Variants in ATP8B3 observed in about 807,000 individuals in gnomAD.
ATP8B3 encodes the protein ATPase phospholipid transporting 8B3.
Under a neutral mutation model 140.9 loss-of-function variants are expected in ATP8B3, and 141 were observed. That is an observed-to-expected ratio of 1.00 (90% CI 0.87 to 1.15). ATP8B3 has a LOEUF of 1.15. ATP8B3 is among the 50% of genes most tolerant of loss of function. The probability of loss-of-function intolerance (pLI) is 0.00; values close to 1 mark genes in which losing one functional copy is unlikely to be tolerated. For missense variants in ATP8B3, 1,874 were observed against 1,740.6 expected, an observed-to-expected ratio of 1.08 and a Z score of -1.36; for synonymous variants, 765 against 714.6, an observed-to-expected ratio of 1.07 and a Z score of -1.13.
chr19:1,810,039 G>C (rs2069143633), intron 3 of ATP8B3, among the ~76,000 whole-genome samples: 3 of 152,236 alleles, frequency 2.0e-5, no homozygotes, highest in African/African-American at 7.2e-5. Flanking sequence ...TTTACAGAGG[G>C]GGGTAAACTG....
Position 1,789,172 on chromosome 19 carries a change from G to GC in ATP8B3, c.2846-53dup, listed in dbSNP as rs1283129756. The GC allele has an allele frequency of 4.6e-5, 55 of 1,205,004 alleles. No homozygotes were observed. The Admixed American group carries it at 5.0e-4, about 11-fold the overall frequency. 74.6% of individuals were successfully genotyped at this position (1,205,004 alleles called of 1,614,324 possible). On this transcript the variant is annotated intron_variant, in intron 23 of 28. Coordinates refer to ENST00000310127, the MANE Select transcript of ATP8B3 (RefSeq NM_138813.4). ...CCCCCGCACGCCCCCAGTCCCGCCC[G>GC]CCCCCCCAGACCCCCGCACTGTTCT...
In ATP8B3 at chr19:1,811,803, G is replaced by T. The variant is rs539296213; in HGVS notation, c.-67C>A. The T allele has an allele frequency of 1.3e-5, 20 of 1,484,556 alleles. No homozygotes were observed. The South Asian group carries it at 2.0e-4, about 15-fold the overall frequency. The allele number at this position is 1,484,556 out of a possible 1,614,324, so 92.0% of individuals were successfully genotyped here. On this transcript the variant is annotated 5_prime_UTR_variant, in exon 2 of 29. Transcript: ENST00000310127. Reference sequence around the variant, plus strand: ...TTAGGCTGTGGGACGGGGGAGAGGTGGGGGAGACCCCCGTGGGGGCAGACT... The same window carrying T: ...TTAGGCTGTGGGACGGGGGAGAGGTTGGGGAGACCCCCGTGGGGGCAGACT...
In ATP8B3 at chr19:1,792,060, G is replaced by T; in HGVS notation, c.2131C>A (p.Gln711Lys). The change falls in exon 19 of 29, where the codon CAG becomes AAG. Residue 711 changes from glutamine (Q) to lysine (K), a missense_variant. Gln to Lys is a moderately conservative substitution (Grantham distance 53, BLOSUM62 1). This residue lies in a region of ATP8B3 where 1,032 missense variants were observed against 963.6 expected (regional missense o/e 1.07). Transcript: ENST00000310127. ...EVAEDIYEDW[Q>K]QRHQEASLLL... is the part of the protein sequence containing the mutation. The stretch of plus-strand genomic sequence containing the variant: ...AGGCTGGCCTCCTGGTGGCGCTGCT[G>T]CCAGTCCTCGTAAATGTCCTCAGCC... The T allele has an allele frequency of 6.4e-7, 1 of 1,561,298 alleles. No individual in the cohort carries two copies. Among genetic ancestry groups the T allele is most frequent in the East Asian group, 2.4e-5 (1 of 41,766 alleles).
In ATP8B3 at chr19:1,798,126, A is replaced by T. The variant is rs187890138; in HGVS notation, c.1553-1121T>A. 7.2e-5 allele frequency among the ~76,000 whole-genome samples: 11 copies of T among 151,818 alleles called. 1 individual carries two copies. In the East Asian group the frequency reaches 2.1e-3, roughly 30 times the overall value. On this transcript the variant is annotated intron_variant, in intron 14 of 28. Transcript: ENST00000310127. ...GCTGGGACTACAGGTGCCTGCCACC[A>T]TGCCTGGCTAATTTTTGTATTTTTA...
rs1857545162 is a variant in ATP8B3 at position 1,805,268 on chromosome 19, C to T, written c.904+106G>A. ...GGGATTCCAGGTGTGAGCCACTGGG[C>T]CTGGCCAGCACCTTGTTTTAAAAAC... On this transcript the variant is annotated intron_variant, in intron 10 of 28. Coordinates refer to ENST00000310127, the MANE Select transcript of ATP8B3 (RefSeq NM_138813.4). This position sits in a 1 kb window ranked among gnomAD's most constrained non-coding sequence, Gnocchi z 5.2. 2.6e-6 allele frequency: 3 copies of T among 1,146,754 alleles called. No individual in the cohort carries two copies. Among genetic ancestry groups the T allele is most frequent in the Non-Finnish European group, 1.3e-6 (1 of 784,416 alleles). 71.0% of individuals were successfully genotyped at this position (1,146,754 alleles called of 1,614,324 possible).
In ATP8B3 at chr19:1,807,063, T is replaced by C. The variant is rs1321119757; in HGVS notation, c.615+105A>G. On this transcript the variant is annotated intron_variant, in intron 6 of 28. Transcript: ENST00000310127. This position sits in a 1 kb window ranked among gnomAD's most constrained non-coding sequence, Gnocchi z 5.9. ...GGCTCCCAGGCCCACGTTCCCCTAA[T>C]GCTCCAGGAAGCCCAGCCCTCCTCC... is the stretch of plus-strand genomic sequence containing the variant. 1.1e-5 allele frequency: 11 copies of C among 1,042,576 alleles called. No individual in the cohort carries two copies. In the Admixed American group the frequency reaches 1.6e-4, roughly 16 times the overall value. The allele number at this position is 1,042,576 out of a possible 1,614,324, so 64.6% of individuals were successfully genotyped here.
rs2068616066 is a variant in ATP8B3, at chr19:1,794,762, A to C, written c.2055+1113T>G. The stretch of plus-strand genomic sequence containing the variant: ...GAGAGTGGGGAAGTCACAAGCCAGA[A>C]ACTGGGTCCTAGGGAGTCCCTTGGT... On this transcript the variant is annotated intron_variant, in intron 18 of 28. Coordinates refer to ENST00000310127, the MANE Select transcript of ATP8B3 (RefSeq NM_138813.4). The surrounding 1 kb of genome is among the most constrained non-coding windows in gnomAD (Gnocchi z 4.8). Among the ~76,000 whole-genome samples the C allele has an allele frequency of 6.6e-6, 1 of 152,024 alleles. No homozygotes were observed. The highest frequency in any genetic ancestry group is 1.5e-5 in the Non-Finnish European group (1 of 67,962).
In ATP8B3 at chr19:1,796,722, C is replaced by G. The variant is rs766973681; in HGVS notation, c.1742G>C (p.Arg581Pro). The change falls in exon 16 of 29, where the codon CGT becomes CCT. Residue 581 changes from arginine (R) to proline (P), a missense_variant. Physicochemically the swap from Arg to Pro is moderately radical, Grantham distance 103. This residue lies in a region of ATP8B3 where 1,032 missense variants were observed against 963.6 expected (regional missense o/e 1.07). Transcript: ENST00000310127. ...CHTVMVRESP[R>P]ERPDQLLYQA... is the part of the protein sequence containing the mutation. Reference sequence around the variant, plus strand: ...GTGGGTGGGCGCACCTGGGCGCTCACGGGGGCTCTCCCGCACCATCACCGT... The same window carrying G: ...GTGGGTGGGCGCACCTGGGCGCTCAGGGGGGCTCTCCCGCACCATCACCGT... 2 of 1,610,302 alleles carry G rather than the reference C, an allele frequency of 1.2e-6. No homozygotes were observed. The highest frequency in any genetic ancestry group is 2.7e-5 in the African/African-American group (2 of 74,906).
At position 1,805,864 on chromosome 19, in the gene ATP8B3, C is replaced by G. The variant is rs2068996162; in HGVS notation, c.821+24G>C. ...GCCATGCTCCCCACCCCCCAGGGTC[C>G]CCAGCGATGCCACAGCTCCTCACCC... is the stretch of plus-strand genomic sequence containing the variant. On this transcript the variant is annotated intron_variant, in intron 9 of 28. Coordinates refer to ENST00000310127, the MANE Select transcript of ATP8B3 (RefSeq NM_138813.4). The surrounding 1 kb of genome is among the most constrained non-coding windows in gnomAD (Gnocchi z 5.2). 6.2e-7 allele frequency: 1 copy of G among 1,612,508 alleles called. No individual in the cohort carries two copies. Among genetic ancestry groups the G allele is most frequent in the Non-Finnish European group, 8.5e-7 (1 of 1,179,738 alleles).
At position 1,805,955 on chromosome 19, in the gene ATP8B3, C is replaced by T. The variant is rs764338683; in HGVS notation, c.754G>A (p.Asp252Asn). ...TCCGTGCTGGCCAGCAAGAGCATGT[C>T]GGCCTGGTGTGGAGTGGGGGGCAGC... ...CLRKDNIVPA[D>N]MLLLASTEPS... is the part of the protein sequence containing the mutation. Residue 252 changes from aspartate to asparagine, a missense_variant, in exon 9 of 29, where the codon GAC (aspartate) becomes AAC (asparagine). Physicochemically the swap from Asp to Asn is conservative, Grantham distance 23. Transcript: ENST00000310127. This position sits in a 1 kb window ranked among gnomAD's most constrained non-coding sequence, Gnocchi z 5.2. 52 of 1,611,088 alleles carry T rather than the reference C, an allele frequency of 3.2e-5. 1 individual carries two copies. The highest frequency in any genetic ancestry group is 4.5e-5 in the East Asian group (2 of 44,808).
Position 1,807,188 on chromosome 19 carries a change from G to C in ATP8B3, c.595C>G (p.Arg199Gly). 2 of 1,611,842 alleles carry C rather than the reference G, an allele frequency of 1.2e-6. No individual in the cohort carries two copies. Among genetic ancestry groups the C allele is most frequent in the Non-Finnish European group, 1.7e-6 (2 of 1,179,182 alleles). Residue 199 changes from arginine (R) to glycine (G), a missense_variant, in exon 6 of 29, where the codon CGG becomes GGG. This residue lies in a region of ATP8B3 where 1,032 missense variants were observed against 963.6 expected (regional missense o/e 1.07). Transcript: ENST00000310127. The surrounding 1 kb of genome is among the most constrained non-coding windows in gnomAD (Gnocchi z 5.9). ...CTCACCATGTCGTCCACCAGGTCCCGGGTGGCACGGATGAAGAGGAGGCAG... is the reference window on the plus strand; with the variant it reads ...CTCACCATGTCGTCCACCAGGTCCCCGGTGGCACGGATGAAGAGGAGGCAG... ...MVCLLFIRATRDLVDDMGRHK... is the reference protein window; with the variant it reads ...MVCLLFIRATGDLVDDMGRHK...
At chr19:1,809,867 A>T in intron 3 of ATP8B3, 133 bp from the exon 4 acceptor site, 1 of 781,874 alleles carries the variant, frequency 1.3e-6, no homozygotes, top group Non-Finnish European at 2.1e-6. Flanking sequence ...GAGCCCGTAA[A>T]CAGACAGTCG....
chr19:1,789,587 G>C lies in ATP8B3; in HGVS notation c.2619C>G (p.Phe873Leu), dbSNP rs766943805. The change falls in exon 23 of 29, where the codon TTC (phenylalanine) becomes TTG (leucine). Residue 873 changes from phenylalanine (F) to leucine (L), a missense_variant. By Grantham distance (22) the Phe-to-Leu change is conservative. Transcript: ENST00000310127. ...ARRLSLLCRRFGLPLAAPPAQ... is the reference protein window; with the variant it reads ...ARRLSLLCRRLGLPLAAPPAQ... Reference sequence around the variant, plus strand: ...CTGGCGGTGCAGCCAGCGGGAGCCCGAACCTCCGGCACAGCAGGGACAGGC... The same window carrying C: ...CTGGCGGTGCAGCCAGCGGGAGCCCCAACCTCCGGCACAGCAGGGACAGGC... 3 of 1,593,098 alleles carry C rather than the reference G, an allele frequency of 1.9e-6. No individual in the cohort carries two copies. The South Asian group carries it at 3.4e-5, about 18-fold the overall frequency.
At position 1,789,261 on chromosome 19, in the gene ATP8B3, G is replaced by A. The variant is rs1247579720; in HGVS notation, c.2845+100C>T. 9 of 1,175,210 alleles carry A rather than the reference G, an allele frequency of 7.7e-6. No individual in the cohort carries two copies. In the African/African-American group the frequency reaches 9.2e-5, roughly 12 times the overall value. The allele number at this position is 1,175,210 out of a possible 1,614,324, so 72.8% of individuals were successfully genotyped here. A position where few individuals can be genotyped will look rare whatever the true frequency, so the allele number is the denominator to read the frequency against. ...CAGTCCCACCGCCGCCTCCATCAGC[G>A]CCCCCCTCACCTGCCCCAGGTCCCC... On this transcript the variant is annotated intron_variant, in intron 23 of 28. Transcript: ENST00000310127.
Position 1,799,899 on chromosome 19 carries a change from C to A in ATP8B3, c.1552+48G>T, listed in dbSNP as rs769649490. The A allele has an allele frequency of 3.9e-6, 6 of 1,524,600 alleles. No homozygotes were observed. The South Asian group carries it at 7.1e-5, about 18-fold the overall frequency. 94.4% of individuals were successfully genotyped at this position (1,524,600 alleles called of 1,614,324 possible). The stretch of plus-strand genomic sequence containing the variant: ...CTCTGGTTCTCAGGCACCCTGAGCC[C>A]CTTGAAGATCGAGGACCCAGCTGGG... On this transcript the variant is annotated intron_variant, in intron 14 of 28. Transcript: ENST00000310127.
Position 1,806,219 on chromosome 19 carries a change from C to A in ATP8B3, c.678-50G>T. 4 of 1,550,738 alleles carry A rather than the reference C, an allele frequency of 2.6e-6. No individual in the cohort carries two copies. Among genetic ancestry groups the A allele is most frequent in the Non-Finnish European group, 3.5e-6 (4 of 1,149,234 alleles). ...GAGGCCCCTCCCTCTGCCAACCCTCCCCACACCGGGAGACCAGAGGCACGG... is the reference window on the plus strand; with the variant it reads ...GAGGCCCCTCCCTCTGCCAACCCTCACCACACCGGGAGACCAGAGGCACGG... On this transcript the variant is annotated intron_variant, in intron 7 of 28. Transcript: ENST00000310127. The surrounding 1 kb of genome is among the most constrained non-coding windows in gnomAD (Gnocchi z 5.6).
chr19:1,793,107 G>T (rs1475531006), intron 18 of ATP8B3, among the ~76,000 whole-genome samples: 1 of 149,220 alleles, frequency 6.7e-6, no homozygotes. Context: ...TCTCGGGGGT[G>T]GGGGATAGGG....
intron 12 of ATP8B3, among the ~76,000 whole-genome samples, chr19:1,801,151 T>TTTTA (rs1183749966): frequency 2.7e-5 from 4 of 150,434 alleles, no homozygotes; most frequent in African/African-American, 7.3e-5. Context: ...TTATTTTTAT[T>TTTTA]TTTATTTATT....
rs540882948 is a variant in ATP8B3, at chr19:1,805,869, C to T, written c.821+19G>A. 13 of 1,612,564 alleles carry T rather than the reference C, an allele frequency of 8.1e-6. No homozygotes were observed. The highest frequency in any genetic ancestry group is 2.7e-5 in the African/African-American group (2 of 75,028). ...GCTCCCCACCCCCCAGGGTCCCCAG[C>T]GATGCCACAGCTCCTCACCCGTCAA... On this transcript the variant is annotated intron_variant, in intron 9 of 28. Transcript: ENST00000310127. This position sits in a 1 kb window ranked among gnomAD's most constrained non-coding sequence, Gnocchi z 5.2.
Sources: allele counts gnomAD v4.1 joint callset (sites outside exome capture counted in the v4.1 genomes callset), GRCh38; gene constraint gnomAD v4.1.1; regional missense constraint gnomAD v4.1.1; non-coding constraint Gnocchi (gnomAD v3.1); transcripts MANE v1.5; gene names NCBI Gene and HGNC (gene_info 2026-07-23, HGNC 2026-07-21).